Variants in FOXP2 observed in about 807,000 individuals in gnomAD.
The protein encoded by FOXP2 is forkhead box protein P2.
In FOXP2, 12 loss-of-function variants were observed where a neutral mutation model predicts 115.8. That is an observed-to-expected ratio of 0.10 (90% CI 0.07 to 0.17). The LOEUF is 0.17. Among genes scored for constraint, FOXP2 ranks in the 10% least tolerant of loss-of-function variants. FOXP2 has a pLI of 1.00. For missense variants in FOXP2, 629 were observed against 843.5 expected, an observed-to-expected ratio of 0.75 and a Z score of 3.15; for synonymous variants, 328 against 297.7, an observed-to-expected ratio of 1.10 and a Z score of -1.05.
Position 114,427,343 on chromosome 7 carries a change from AC to A in FOXP2, c.168+665del, listed in dbSNP as rs1389677928. Among the ~76,000 whole-genome samples the A allele has an allele frequency of 2.0e-5, 3 of 151,358 alleles. No homozygotes were observed. In the Admixed American group the frequency reaches 2.0e-4, roughly 10 times the overall value. On this transcript the variant is annotated intron_variant, in intron 2 of 16. Coordinates refer to ENST00000350908, the MANE Select transcript of FOXP2 (RefSeq NM_014491.4). ...GTTAACAACTACAAAATAAAGGTAC[AC>A]TTTTAAGTAGTCTGTTATTCATTTT...
chr7:114,493,490 GA>G (rs1450696299), intron 2 of FOXP2, among the ~76,000 whole-genome samples: 1 of 152,088 alleles, frequency 6.6e-6, no homozygotes, highest in African/African-American at 2.4e-5. Context: ...GGAGGTATAT[GA>G]AAAATCTGTA....
chr7:114,265,076 C>T (rs775507436), intron 1 of FOXP2, among the ~76,000 whole-genome samples: 2 of 152,126 alleles, frequency 1.3e-5, no homozygotes, highest in Non-Finnish European at 2.9e-5. Context: ...ATCTCATGTC[C>T]TTCTTACATT....
intron 3 of FOXP2, among the ~76,000 whole-genome samples, chr7:114,550,112 C>CTTTTTTTTTTTTTT (rs941573098): frequency 9.7e-6 from 1 of 103,300 alleles, no homozygotes; most frequent in South Asian, 3.0e-4. Flanking sequence ...CCTTTCTTTT[C>CTTTTTTTTTTTTTT]TTTTTTTTTT....
intron 2 of FOXP2, among the ~76,000 whole-genome samples, chr7:114,346,778 A>T (rs142482209): frequency 3.6e-4 from 55 of 151,854 alleles, no homozygotes; most frequent in African/African-American, 1.2e-3. Context: ...GTTATCAGAG[A>T]CTGGATGGAG....
intron 1 of FOXP2, among the ~76,000 whole-genome samples, chr7:114,097,109 T>C (rs1160841861): frequency 1.2e-4 from 18 of 152,202 alleles, no homozygotes; most frequent in Admixed American, 1.2e-3. Context: ...TTTATAATTG[T>C]TTTAAGCACT....
intron 10 of FOXP2, among the ~76,000 whole-genome samples, chr7:114,655,394 T>C (rs1806527776): frequency 6.6e-6 from 1 of 152,158 alleles, no homozygotes. Flanking sequence ...ATAATGTAAT[T>C]GAAGTATTAC....
chr7:114,114,710 T>A (rs1330090865), intron 1 of FOXP2, among the ~76,000 whole-genome samples: 1 of 152,190 alleles, frequency 6.6e-6, no homozygotes, highest in Non-Finnish European at 1.5e-5. Context: ...TTCTCTATGA[T>A]AGCTCCACCT....
At chr7:114,497,930 A>C (rs1286782727) in intron 2 of FOXP2, among the ~76,000 whole-genome samples, 1 of 152,102 alleles carries the variant, frequency 6.6e-6, no homozygotes, top group African/African-American at 2.4e-5. Context: ...CAGATTAAAA[A>C]ACTCAGCACT....
At chr7:114,600,759 C>T (rs1458046787) in intron 3 of FOXP2, among the ~76,000 whole-genome samples, 10 of 152,106 alleles carry the variant, frequency 6.6e-5, no homozygotes, top group Admixed American at 5.2e-4. Flanking sequence ...AGATATTGAA[C>T]ATAATTTCAT....
intron 2 of FOXP2, among the ~76,000 whole-genome samples, chr7:114,329,301 T>C (rs935832135): frequency 2.0e-5 from 3 of 152,050 alleles, no homozygotes; most frequent in Non-Finnish European, 4.4e-5. Context: ...GCGGATCACC[T>C]GAGGTCAGGA....
At chr7:114,440,393 G>A (rs1158221522) in intron 2 of FOXP2, among the ~76,000 whole-genome samples, 1 of 152,086 alleles carries the variant, frequency 6.6e-6, no homozygotes, top group Non-Finnish European at 1.5e-5. Flanking sequence ...ATGTATGAGT[G>A]AAAACTTCAG....
intron 2 of FOXP2, among the ~76,000 whole-genome samples, chr7:114,398,591 C>A (rs2129195970): frequency 6.6e-6 from 1 of 152,218 alleles, no homozygotes; most frequent in South Asian, 2.1e-4. Context: ...AAATTACAAA[C>A]AATAATGCCA....
chr7:114,569,464 A>G (rs970428725), intron 3 of FOXP2, among the ~76,000 whole-genome samples: 1 of 151,974 alleles, frequency 6.6e-6, no homozygotes, highest in Non-Finnish European at 1.5e-5. Flanking sequence ...AGTTAACCTC[A>G]TAGTTAATAT....
chr7:114,625,038 A>C (rs1219663415), intron 3 of FOXP2, among the ~76,000 whole-genome samples: 1 of 151,552 alleles, frequency 6.6e-6, no homozygotes, highest in Non-Finnish European at 1.5e-5. Context: ...TTCTTGGTGC[A>C]CAGAGCAGCA....
At chr7:114,271,899 AATT>A (rs1402009910) in intron 1 of FOXP2, among the ~76,000 whole-genome samples, 1 of 128,170 alleles carries the variant, frequency 7.8e-6, no homozygotes, top group Non-Finnish European at 1.6e-5. Context: ...ACATTAATAT[AATT>A]ATTAATATAA....
At chr7:114,584,793 A>T (rs1205941507) in intron 3 of FOXP2, among the ~76,000 whole-genome samples, 1 of 152,154 alleles carries the variant, frequency 6.6e-6, no homozygotes, top group Non-Finnish European at 1.5e-5. Context: ...TTATCTTGCT[A>T]CAGTAACATC....
intron 1 of FOXP2, among the ~76,000 whole-genome samples, chr7:114,110,404 A>G (rs1791238310): frequency 6.6e-6 from 1 of 152,138 alleles, no homozygotes; most frequent in African/African-American, 2.4e-5. Context: ...TCCCTATTCA[A>G]CTCATCTTTA....
intron 3 of FOXP2, chr7:114,571,028 T>C (rs765939397): frequency 1.4e-6 from 1 of 737,338 alleles, no homozygotes; most frequent in African/African-American, 1.8e-5. Flanking sequence ...AAGATACAGA[T>C]GTAATTAGTT....
chr7:114,561,363 CT>C (rs1225972639), intron 3 of FOXP2: 3 of 152,260 alleles, frequency 2.0e-5, no homozygotes, highest in Non-Finnish European at 4.4e-5. Context: ...TAGAAAACTA[CT>C]GGACAATAGC....
Sources: gnomAD v4.1 joint callset for allele counts (sites outside exome capture counted in the v4.1 genomes callset) on GRCh38, gnomAD v4.1.1 for gene constraint, MANE v1.5 for transcripts, NCBI Gene and HGNC (gene_info 2026-07-23, HGNC 2026-07-21) for gene names.